Variants in STRIP1 observed in about 807,000 individuals in gnomAD.
STRIP1 encodes striatin-interacting protein 1.
In STRIP1, 63 loss-of-function variants were observed where a neutral mutation model predicts 106.2. That is an observed-to-expected ratio of 0.59 (90% CI 0.48 to 0.73). STRIP1 has a LOEUF of 0.73. Among genes scored for constraint, STRIP1 ranks in the 30% least tolerant of loss-of-function variants. STRIP1 has a pLI of 0.00. For synonymous variants in STRIP1, 390 were observed against 413.0 expected, an observed-to-expected ratio of 0.94 and a Z score of 0.67; for missense variants, 857 against 1,074.8, an observed-to-expected ratio of 0.80 and a Z score of 2.83.
At chr1:110,038,088 A>ATATATG (rs1557787701) in intron 2 of STRIP1, 128 bp downstream of exon 2, 1 of 154,712 alleles carries the variant, frequency 6.5e-6, no homozygotes, top group African/African-American at 3.0e-5. Flanking sequence ...ATATATATAT[A>ATATATG]TATATATATA....
rs573458045 is a variant in STRIP1 at position 110,046,683 on chromosome 1, A to C, written c.1420A>C (p.Lys474Gln). The C allele has an allele frequency of 5.6e-6, 9 of 1,613,242 alleles. No individual in the cohort carries two copies. The highest frequency in any genetic ancestry group is 7.6e-6 in the Non-Finnish European group (9 of 1,179,494). ...HESIKTLKQH[K>Q]YTSIAEVQAQ... ...CTTTTCCCATCTCTCCCACCAGCAC[A>C]AGTACACGTCGATTGCAGAGGTCCA... The change falls in exon 13 of 21, where the codon AAG becomes CAG. Residue 474 changes from lysine (K) to glutamine (Q), a missense_variant. Around this residue, in one of 2 missense-constraint regions of STRIP1, gnomAD observed 750 missense variants for 989.8 expected, o/e 0.76. Coordinates refer to ENST00000369795, the MANE Select transcript of STRIP1 (RefSeq NM_033088.4).
Position 110,045,044 on chromosome 1 carries a change from G to A in STRIP1, c.1382G>A (p.Arg461Lys). Reference protein sequence around the residue: ...SDTNTVVGLPRPIHESIKTLK... With the variant: ...SDTNTVVGLPKPIHESIKTLK... ...ACGAACACAGTGGTGGGGCTGCCCAGGCCAATCCACGAAAGCATCAAGACT... is the reference window on the plus strand; with the variant it reads ...ACGAACACAGTGGTGGGGCTGCCCAAGCCAATCCACGAAAGCATCAAGACT... The change falls in exon 12 of 21, where the codon AGG becomes AAG. Residue 461 changes from arginine to lysine, a missense_variant. Coordinates refer to ENST00000369795, the MANE Select transcript of STRIP1 (RefSeq NM_033088.4). 2 of 1,614,118 alleles carry A rather than the reference G, an allele frequency of 1.2e-6. No individual in the cohort carries two copies. Among genetic ancestry groups the A allele is most frequent in the Non-Finnish European group, 1.7e-6 (2 of 1,180,030 alleles).
rs1405270533 is a variant in STRIP1, at chr1:110,041,980, A to G, written c.885+119A>G. 7 of 1,214,162 alleles carry G rather than the reference A, an allele frequency of 5.8e-6. No homozygotes were observed. In the East Asian group the frequency reaches 1.2e-4, roughly 21 times the overall value. 75.2% of individuals were successfully genotyped at this position (1,214,162 alleles called of 1,614,324 possible). Reference sequence around the variant, plus strand: ...CTGTAAAACTGCTTTGGTAAAAAAAATTATTTAAAAAGCTGCTAAAAGGAG... The same window carrying G: ...CTGTAAAACTGCTTTGGTAAAAAAAGTTATTTAAAAAGCTGCTAAAAGGAG... On this transcript the variant is annotated intron_variant, in intron 8 of 20. Transcript: ENST00000369795.
chr1:110,043,158 C>T lies in STRIP1; in HGVS notation c.956C>T (p.Pro319Leu), dbSNP rs909954074. The T allele has an allele frequency of 9.3e-6, 15 of 1,613,932 alleles. No individual in the cohort carries two copies. The highest frequency in any genetic ancestry group is 2.2e-5 in the East Asian group (1 of 44,898). The change falls in exon 9 of 21, where the codon CCG becomes CTG. Residue 319 changes from proline to leucine, a missense_variant. Transcript: ENST00000369795. The part of the protein sequence containing the change: ...AEKRSILGLP[P>L]LPEDSIKVIR... ...AAGCGCAGCATCCTGGGCCTCCCCC[C>T]GCTTCCTGAGGACAGCATCAAAGTG...
rs1351888002 is a variant in STRIP1 at position 110,044,112 on chromosome 1, A to T, written c.1286+256A>T. Among the ~76,000 whole-genome samples, 2 of 152,368 alleles carry T rather than the reference A, an allele frequency of 1.3e-5. 1 individual carries two copies. Among genetic ancestry groups the T allele is most frequent in the Non-Finnish European group, 2.9e-5 (2 of 68,032 alleles). ...GAGTTAGCTCTTGGTTAGATGTGCT[A>T]GTGAAGGGGGATAGGAAACAAATAA... On this transcript the variant is annotated intron_variant, in intron 10 of 20. Coordinates refer to ENST00000369795, the MANE Select transcript of STRIP1 (RefSeq NM_033088.4).
intron 5 of STRIP1, chr1:110,040,008 G>C: frequency 1.3e-6 from 1 of 750,048 alleles, no homozygotes; most frequent in Non-Finnish European, 2.0e-6. Context: ...GTGCCTGTGT[G>C]TCCCGGGCAT....
rs554377708 is a variant in STRIP1 at position 110,048,644 on chromosome 1, G to A, written c.1662-468G>A. 3.9e-5 allele frequency among the ~76,000 whole-genome samples: 6 copies of A among 152,340 alleles called. No homozygotes were observed. The South Asian group carries it at 1.2e-3, about 32-fold the overall frequency. ...TTTGATTCATGGATTTCTCTTATAA[G>A]GAGGAATTCCTCTTACAAAGATGTA... On this transcript the variant is annotated intron_variant, in intron 15 of 20. Coordinates refer to ENST00000369795, the MANE Select transcript of STRIP1 (RefSeq NM_033088.4).
chr1:110,045,167 T>G, intron 12 of STRIP1, 89 bp downstream of exon 12: 4 of 1,226,970 alleles, frequency 3.3e-6, no homozygotes, highest in Non-Finnish European at 4.8e-6. Flanking sequence ...TTAAGACTGT[T>G]GTCTGCCTGC....
In STRIP1 at chr1:110,046,713, C is replaced by T; in HGVS notation, c.1450C>T (p.Gln484Ter). ...KYTSIAEVQA[Q>*]MEEEYLRSPL... is the part of the protein sequence containing the mutation. ...CACGTCGATTGCAGAGGTCCAGGCA[C>T]AGATGGAGGAGGAATACCTCCGCTC... The change falls in exon 13 of 21, where the codon CAG becomes TAG. Residue 484 changes from glutamine (Q) to a stop codon, truncating the protein, a stop_gained. Coordinates refer to ENST00000369795, the MANE Select transcript of STRIP1 (RefSeq NM_033088.4). LOFTEE classifies it high-confidence loss of function. The T allele has an allele frequency of 6.2e-7, 1 of 1,613,574 alleles. No homozygotes were observed. The highest frequency in any genetic ancestry group is 1.1e-5 in the South Asian group (1 of 91,082).
intron 5 of STRIP1, among the ~76,000 whole-genome samples, chr1:110,040,176 T>TTTTTTGTTTTTG (rs910557063): frequency 2.0e-4 from 30 of 152,214 alleles, no homozygotes; most frequent in Non-Finnish European, 3.2e-4. Context: ...TTTTTGTGTT[T>TTTTTTGTTTTTG]TTTTTGTTTT....
chr1:110,037,838 C>G, intron 1 of STRIP1, 53 bp from the exon 2 acceptor site: 1 of 1,274,388 alleles, frequency 7.8e-7, no homozygotes, highest in Non-Finnish European at 1.1e-6. Flanking sequence ...GCATGAGTTT[C>G]TTTGATAAAT....
upstream of STRIP1, among the ~76,000 whole-genome samples, chr1:110,034,040 G>C (rs34762282): frequency 6.6e-6 from 1 of 152,048 alleles, no homozygotes; most frequent in Non-Finnish European, 1.5e-5. Flanking sequence ...CTTACATAAA[G>C]TCTGCCTTAC....
intron 17 of STRIP1, 57 bp from the exon 18 acceptor site, chr1:110,050,286 C>G (rs1653230722): frequency 1.3e-6 from 2 of 1,573,738 alleles, no homozygotes; most frequent in Admixed American, 1.7e-5. Flanking sequence ...CACGGCTGCT[C>G]CACCAGGCCC....
At position 110,046,721 on chromosome 1, in the gene STRIP1, G is replaced by A; in HGVS notation, c.1458G>A (p.Glu486=). The A allele has an allele frequency of 6.2e-7, 1 of 1,613,098 alleles. No homozygotes were observed. The highest frequency in any genetic ancestry group is 8.5e-7 in the Non-Finnish European group (1 of 1,179,352). The change falls in exon 13 of 21, where the codon GAG becomes GAA. Residue 486 remains glutamate (E), a synonymous_variant. Transcript: ENST00000369795. ...TTGCAGAGGTCCAGGCACAGATGGA[G>A]GAGGAATACCTCCGCTCCCCTCTCT... ...TSIAEVQAQM[E]EEYLRSPLSG...
upstream of STRIP1, among the ~76,000 whole-genome samples, chr1:110,034,113 A>C (rs1652316007): frequency 1.3e-5 from 2 of 152,080 alleles, no homozygotes; most frequent in African/African-American, 4.8e-5. Flanking sequence ...ATTTCTCTAT[A>C]TTTGTCTATT....
intron 12 of STRIP1, 40 bp from the exon 13 acceptor site, chr1:110,046,640 A>G (rs375613227): frequency 2.5e-6 from 4 of 1,590,558 alleles, no homozygotes; most frequent in East Asian, 4.5e-5. Flanking sequence ...TGGCCAGAGA[A>G]TGTTTTCCCC....
At chr1:110,049,896 T>C (rs910485270) in intron 17 of STRIP1, 47 of 310,120 alleles carry the variant, frequency 1.5e-4, no homozygotes, top group Middle Eastern at 1.9e-3. Flanking sequence ...GGCTCGGCCA[T>C]GTGCCTTGTA....
intron 19 of STRIP1, 40 bp downstream of exon 19, chr1:110,051,100 G>T (rs764038431): frequency 1.5e-6 from 2 of 1,360,822 alleles, no homozygotes; most frequent in Non-Finnish European, 2.1e-6. Flanking sequence ...GGAACTTGGA[G>T]CTCAAAGAAG....
intron 2 of STRIP1, chr1:110,038,366 C>T (rs529373986): frequency 3.2e-6 from 1 of 311,776 alleles, no homozygotes; most frequent in East Asian, 7.0e-5. Context: ...CCAGCCTCTA[C>T]AATACACATC....
Sources: allele counts gnomAD v4.1 joint callset (sites outside exome capture counted in the v4.1 genomes callset), GRCh38; gene constraint gnomAD v4.1.1; regional missense constraint gnomAD v4.1.1; transcripts MANE v1.5; gene names NCBI Gene and HGNC (gene_info 2026-07-23, HGNC 2026-07-21).